The following PTPRQ variants were observed in gnomAD, a reference collection of about 807,000 sequenced individuals.
PTPRQ encodes phosphatidylinositol phosphatase PTPRQ.
A neutral mutation model predicts 246.0 loss-of-function variants in PTPRQ; 199 were observed. That is an observed-to-expected ratio of 0.81 (90% confidence interval 0.72 to 0.91). The LOEUF is 0.91. Among genes scored for constraint, PTPRQ ranks in the 40% least tolerant of loss-of-function variants. The probability of loss-of-function intolerance (pLI) is 0.00; values close to 1 mark genes in which losing one functional copy is unlikely to be tolerated. For missense variants in PTPRQ, 2,624 were observed against 2,528.4 expected, an observed-to-expected ratio of 1.04 and a Z score of -0.81; for synonymous variants, 869 against 853.2, an observed-to-expected ratio of 1.02 and a Z score of -0.32.
chr12:80,544,087 C>T (rs1484841345), intron 23 of PTPRQ, among the ~76,000 whole-genome samples: 5 of 152,102 alleles, frequency 3.3e-5, no homozygotes, highest in Non-Finnish European at 4.4e-5. Flanking sequence ...AACATAGGCT[C>T]TCTTAGCATA....
At chr12:80,564,606 G>A (rs1025302509) in intron 25 of PTPRQ, among the ~76,000 whole-genome samples, 3 of 152,140 alleles carry the variant, frequency 2.0e-5, no homozygotes, top group Admixed American at 6.5e-5. Flanking sequence ...TATATTTCTT[G>A]TGCTATTAAA....
intron 25 of PTPRQ, among the ~76,000 whole-genome samples, chr12:80,551,083 C>T (rs1214073571): frequency 6.6e-6 from 1 of 151,998 alleles, no homozygotes; most frequent in Non-Finnish European, 1.5e-5. Context: ...TCAATTTATT[C>T]TAATATCTCC....
chr12:80,530,044 G>A (rs1316242134), intron 17 of PTPRQ, among the ~76,000 whole-genome samples: 1 of 151,990 alleles, frequency 6.6e-6, no homozygotes, highest in African/African-American at 2.4e-5. Flanking sequence ...TTATGACTTT[G>A]GATATGTAAG....
chr12:80,669,189 A>G (rs1373623851), intron 40 of PTPRQ, 48 bp downstream of exon 40: 1 of 1,536,122 alleles, frequency 6.5e-7, no homozygotes, highest in African/African-American at 1.4e-5. Flanking sequence ...CGATTGTGTT[A>G]ACATATGTGT....
At chr12:80,644,307 A>G (rs1899991856) in intron 35 of PTPRQ, among the ~76,000 whole-genome samples, 1 of 152,162 alleles carries the variant, frequency 6.6e-6, no homozygotes, top group South Asian at 2.1e-4. Flanking sequence ...CGTGTAATAA[A>G]AAGTGTTTAG....
intron 41 of PTPRQ, among the ~76,000 whole-genome samples, chr12:80,669,711 CAAG>C (rs1238461453): frequency 6.6e-6 from 1 of 151,910 alleles, no homozygotes; most frequent in African/African-American, 2.4e-5. Context: ...CTTAGGTTGA[CAAG>C]AGCAGAAAAA....
intron 38 of PTPRQ, among the ~76,000 whole-genome samples, chr12:80,656,588 GA>G (rs756946963): frequency 6.6e-6 from 1 of 151,986 alleles, no homozygotes; most frequent in Non-Finnish European, 1.5e-5. Context: ...AATTTCTCAG[GA>G]AAAATAGTTT....
intron 6 of PTPRQ, among the ~76,000 whole-genome samples, chr12:80,467,683 A>C: frequency 6.6e-6 from 1 of 151,994 alleles, no homozygotes; most frequent in Admixed American, 6.6e-5. Flanking sequence ...AGCCATAAAA[A>C]ATGATGAGTT....
intron 16 of PTPRQ, among the ~76,000 whole-genome samples, chr12:80,507,928 C>T (rs918500603): frequency 6.6e-6 from 1 of 151,952 alleles, no homozygotes; most frequent in African/African-American, 2.4e-5. Flanking sequence ...TTTACCAATG[C>T]CTTTTTGAAA....
chr12:80,600,283 C>T (rs974784138), intron 26 of PTPRQ, among the ~76,000 whole-genome samples: 1 of 151,674 alleles, frequency 6.6e-6, no homozygotes, highest in African/African-American at 2.4e-5. Context: ...GGGTCACACA[C>T]TCCCTGATGA....
chr12:80,518,313 C>T (rs897473344), intron 17 of PTPRQ, among the ~76,000 whole-genome samples: 7 of 152,082 alleles, frequency 4.6e-5, no homozygotes, highest in Non-Finnish European at 7.4e-5. Flanking sequence ...AATATTTTGT[C>T]CATTTTTGAT....
intron 17 of PTPRQ, among the ~76,000 whole-genome samples, chr12:80,516,430 C>G (rs1895301236): frequency 6.6e-6 from 1 of 152,120 alleles, no homozygotes; most frequent in South Asian, 2.1e-4. Context: ...CTGAAACAGT[C>G]TGACAAATGT....
chr12:80,506,176 A>G lies in PTPRQ; in HGVS notation c.2425A>G (p.Asn809Asp). 6.6e-7 allele frequency: 1 copy of G among 1,513,970 alleles called. No individual in the cohort carries two copies. The highest frequency in any genetic ancestry group is 1.3e-5 in the South Asian group (1 of 74,388). 93.8% of individuals were successfully genotyped at this position (1,513,970 alleles called of 1,614,324 possible). ...RSNGNEERTI[N>D]TTSLTQNIKV... ...TAATGGAAATGAGGAAAGAACTATAAATACAACCTCTTTAACCCAAAACAT... is the reference window on the plus strand; with the variant it reads ...TAATGGAAATGAGGAAAGAACTATAGATACAACCTCTTTAACCCAAAACAT... Residue 809 changes from asparagine to aspartate, a missense_variant, in exon 15 of 45, where the codon AAT (asparagine) becomes GAT (aspartate). Asn to Asp is a conservative substitution (Grantham distance 23, BLOSUM62 1). Coordinates refer to ENST00000644991, the MANE Select transcript of PTPRQ (RefSeq NM_001145026.2).
intron 35 of PTPRQ, among the ~76,000 whole-genome samples, chr12:80,638,578 ACT>A (rs1899742544): frequency 6.6e-6 from 1 of 152,022 alleles, no homozygotes; most frequent in South Asian, 2.1e-4. Flanking sequence ...ACTATTTTAT[ACT>A]CTCTGCCTGT....
intron 38 of PTPRQ, among the ~76,000 whole-genome samples, chr12:80,654,246 C>T (rs1278326961): frequency 6.6e-6 from 1 of 152,132 alleles, no homozygotes; most frequent in Non-Finnish European, 1.5e-5. Flanking sequence ...AGGCATGTGC[C>T]GCCATGCCCA....
chr12:80,585,701 C>A (rs1897589879), intron 25 of PTPRQ, among the ~76,000 whole-genome samples: 1 of 152,018 alleles, frequency 6.6e-6, no homozygotes, highest in East Asian at 1.9e-4. Flanking sequence ...AGGTCCCCTA[C>A]CTACATATGG....
intron 14 of PTPRQ, among the ~76,000 whole-genome samples, chr12:80,505,696 T>C (rs943246915): frequency 1.3e-5 from 2 of 151,920 alleles, no homozygotes; most frequent in African/African-American, 4.8e-5. Context: ...GAATCAAGTT[T>C]TAAATGTTTT....
chr12:80,474,100 C>A (rs563873486), intron 8 of PTPRQ, among the ~76,000 whole-genome samples: 2 of 152,292 alleles, frequency 1.3e-5, no homozygotes, highest in South Asian at 2.1e-4. Context: ...ACTTCTGACA[C>A]CACTAATTAA....
At chr12:80,580,018 T>C (rs1897386464) in intron 25 of PTPRQ, among the ~76,000 whole-genome samples, 1 of 152,160 alleles carries the variant, frequency 6.6e-6, no homozygotes, top group African/African-American at 2.4e-5. Context: ...TTAGTGTACT[T>C]ATCCAGGTCA....
Sources: allele counts gnomAD v4.1 joint callset (sites outside exome capture counted in the v4.1 genomes callset), GRCh38; gene constraint gnomAD v4.1.1; transcripts MANE v1.5; gene names NCBI Gene and HGNC (gene_info 2026-07-23, HGNC 2026-07-21).